UPF1: variants seen among roughly 807,000 people sequenced by gnomAD.
UPF1 encodes UPF1 RNA helicase and ATPase, also known as regulator of nonsense transcripts 1.
Under a neutral mutation model 129.2 loss-of-function variants are expected in UPF1, and 9 were observed. That is an observed-to-expected ratio of 0.07 (90% CI 0.04 to 0.12). UPF1 has a LOEUF of 0.12. UPF1 is among the 10% of genes least tolerant of loss of function. The probability of loss-of-function intolerance (pLI) is 1.00; values close to 1 mark genes in which losing one functional copy is unlikely to be tolerated. For synonymous variants in UPF1, 649 were observed against 644.9 expected (o/e 1.01, Z -0.10); for missense variants, 788 against 1,525.3 (o/e 0.52, Z 8.05).
chr19:18,838,383 TCA>T (rs1337366019), intron 1 of UPF1, among the ~76,000 whole-genome samples: 2 of 152,146 alleles, frequency 1.3e-5, no homozygotes, highest in Non-Finnish European at 2.9e-5. Flanking sequence ...GCTTGGTGGC[TCA>T]CGCCTGTAAT....
intron 18 of UPF1, 190 bp from the exon 19 acceptor site, chr19:18,863,248 G>A (rs111481788): frequency 9.8e-5 from 67 of 680,870 alleles, no homozygotes; most frequent in Admixed American, 4.5e-4. Flanking sequence ...AAATCAACCC[G>A]TGTGCAGGGT....
Position 18,862,136 on chromosome 19 carries a change from G to A in UPF1, c.2584G>A (p.Ala862Thr). The change falls in exon 18 of 24, where the codon GCC becomes ACC. Residue 862 changes from alanine to threonine, a missense_variant. Physicochemically the swap from Ala to Thr is moderately conservative, Grantham distance 58. Coordinates refer to ENST00000262803, the MANE Select transcript of UPF1 (RefSeq NM_002911.4). ...FLNDPRRLNV[A>T]LTRARYGVII... Reference sequence around the variant, plus strand: ...AAATGACCCCAGGCGTCTGAACGTGGCCCTGACCAGAGCAAGGTAGGGAGG... The same window carrying A: ...AAATGACCCCAGGCGTCTGAACGTGACCCTGACCAGAGCAAGGTAGGGAGG... The A allele has an allele frequency of 6.2e-7, 1 of 1,613,922 alleles. No homozygotes were observed. The highest frequency in any genetic ancestry group is 8.5e-7 in the Non-Finnish European group (1 of 1,180,000).
chr19:18,863,966 G>A (rs943409215), intron 19 of UPF1, among the ~76,000 whole-genome samples: 5 of 152,120 alleles, frequency 3.3e-5, no homozygotes, highest in African/African-American at 1.2e-4. Flanking sequence ...CCAAGGGTCA[G>A]CATCAGAGCC....
chr19:18,852,019 G>A (rs951777321), intron 5 of UPF1, 116 bp from the exon 6 acceptor site: 37 of 1,396,138 alleles, frequency 2.7e-5, no homozygotes, highest in Admixed American at 9.1e-5. Context: ...GCCACCCACC[G>A]TGGCCCATTC....
rs901059338 is a variant in UPF1, at chr19:18,853,853, A to T, written c.1156+503A>T. On this transcript the variant is annotated intron_variant, in intron 8 of 23. Transcript: ENST00000262803. The surrounding 1 kb of genome is among the most constrained non-coding windows in gnomAD (Gnocchi z 4.4). ...TGGGGCAGCTGTAAGGCACAGGTGCAGTCAGAGGCTTGGGTGGGGAGGAGT... is the reference window on the plus strand; with the variant it reads ...TGGGGCAGCTGTAAGGCACAGGTGCTGTCAGAGGCTTGGGTGGGGAGGAGT... Among the ~76,000 whole-genome samples, 6 of 152,192 alleles carry T rather than the reference A, an allele frequency of 3.9e-5. No individual in the cohort carries two copies. Among genetic ancestry groups the T allele is most frequent in the Admixed American group, 2.0e-4 (3 of 15,274 alleles).
chr19:18,856,849 G>A (rs2055724030), intron 13 of UPF1, 28 bp from the exon 14 acceptor site: 11 of 1,598,028 alleles, frequency 6.9e-6, no homozygotes, highest in Non-Finnish European at 9.4e-6. Flanking sequence ...CAGTGCAGGT[G>A]CCCTGATGCC....
chr19:18,852,900 C>T, intron 6 of UPF1, 87 bp from the exon 7 acceptor site: 1 of 1,118,502 alleles, frequency 8.9e-7, no homozygotes, highest in Non-Finnish European at 1.3e-6. Context: ...TGCTGTAGGG[C>T]CCGCCTCATG....
At chr19:18,862,781 G>A (rs191041769) in intron 18 of UPF1, among the ~76,000 whole-genome samples, 3 of 152,040 alleles carry the variant, frequency 2.0e-5, no homozygotes, top group Admixed American at 6.5e-5. Context: ...GTGGTGAGCC[G>A]AGATTGCGCC....
At chr19:18,858,670 C>A (rs945429950) in intron 15 of UPF1, among the ~76,000 whole-genome samples, 3 of 152,082 alleles carry the variant, frequency 2.0e-5, no homozygotes, top group Non-Finnish European at 4.4e-5. Flanking sequence ...CCCCAGAGCC[C>A]AGGAGGGTGG....
In UPF1 at chr19:18,846,239, G is replaced by A. The variant is rs140841383; in HGVS notation, c.371+120G>A. The A allele has an allele frequency of 4.7e-4, 666 of 1,422,664 alleles. 3 individuals are homozygous for A. The African/African-American group carries it at 6.4e-3, about 14-fold the overall frequency. The allele number at this position is 1,422,664 out of a possible 1,614,324, so 88.1% of individuals were successfully genotyped here. A position where few individuals can be genotyped will look rare whatever the true frequency, so the allele number is the denominator to read the frequency against. On this transcript the variant is annotated intron_variant, in intron 2 of 23. Transcript: ENST00000262803. ...CCCTTGTGCTGTGACTCTGGGTGGC[G>A]GTGTCCTCGGGAGTAAGGAAATTGC...
intron 1 of UPF1, among the ~76,000 whole-genome samples, chr19:18,838,458 G>C (rs1367794453): frequency 3.3e-5 from 5 of 152,180 alleles, no homozygotes; most frequent in African/African-American, 1.2e-4. Flanking sequence ...AGACCAGCTT[G>C]ACCAACATGG....
intron 11 of UPF1, 119 bp downstream of exon 11, chr19:18,855,361 T>G: frequency 1.4e-5 from 16 of 1,108,974 alleles, no homozygotes; most frequent in Non-Finnish European, 2.0e-5. Context: ...TGGCGGGTAG[T>G]GTCGCCATGG....
chr19:18,854,565 C>CT (rs1568277912), intron 8 of UPF1, 36 bp from the exon 9 acceptor site: 1 of 1,566,882 alleles, frequency 6.4e-7, no homozygotes, highest in East Asian at 2.3e-5. Context: ...GTCAGCCCGG[C>CT]TTTTGACAAG....
chr19:18,853,228 C>CCT lies in UPF1; in HGVS notation c.1058-18_1058-17dup. The CCT allele has an allele frequency of 2.5e-6, 4 of 1,604,598 alleles. No individual in the cohort carries two copies. The highest frequency in any genetic ancestry group is 3.4e-6 in the Non-Finnish European group (4 of 1,173,844). ...GCGACGGCGTGGGTTAAAATGGCCACCTCTCTCACTTTTTTACCTCAAGAC... is the reference window on the plus strand; with the variant it reads ...GCGACGGCGTGGGTTAAAATGGCCACCTCTCTCTCACTTTTTTACCTCAAGAC... On this transcript the variant is annotated intron_variant, in intron 7 of 23. Coordinates refer to ENST00000262803, the MANE Select transcript of UPF1 (RefSeq NM_002911.4). This position sits in a 1 kb window ranked among gnomAD's most constrained non-coding sequence, Gnocchi z 4.4.
At chr19:18,864,383 C>T (rs1046683577) in intron 20 of UPF1, 132 bp downstream of exon 20, 2 of 732,766 alleles carry the variant, frequency 2.7e-6, no homozygotes, top group African/African-American at 3.5e-5. Flanking sequence ...CCCTTGGCCT[C>T]CCCGCCCCTA....
intron 6 of UPF1, 100 bp downstream of exon 6, chr19:18,852,396 T>C: frequency 6.6e-7 from 1 of 1,522,372 alleles, no homozygotes; most frequent in Non-Finnish European, 8.8e-7. Flanking sequence ...CTGTGGGAGC[T>C]GATGTGGGCT....
rs1000399143 is a variant in UPF1, at chr19:18,851,700, T to C, written c.811-435T>C. ...CGTGGGAGACAGGCCTCCCGGGCTG[T>C]GGACACAGCGAGAGAAACCGGTGGT... On this transcript the variant is annotated intron_variant, in intron 5 of 23. Transcript: ENST00000262803. The surrounding 1 kb of genome is among the most constrained non-coding windows in gnomAD (Gnocchi z 4.2). Among the ~76,000 whole-genome samples, 9 of 152,202 alleles carry C rather than the reference T, an allele frequency of 5.9e-5. No individual in the cohort carries two copies. The highest frequency in any genetic ancestry group is 6.5e-5 in the Admixed American group (1 of 15,286).
chr19:18,833,917 C>T (rs1308948019), intron 1 of UPF1, among the ~76,000 whole-genome samples: 1 of 152,184 alleles, frequency 6.6e-6, no homozygotes, highest in Admixed American at 6.5e-5. Flanking sequence ...TTGACTCATT[C>T]TAACCCCATA....
intron 2 of UPF1, 101 bp from the exon 3 acceptor site, chr19:18,847,643 A>C (rs2055614931): frequency 9.0e-7 from 1 of 1,116,648 alleles, no homozygotes; most frequent in Admixed American, 1.9e-5. Context: ...TGTTTAATGA[A>C]GAACTTAAAA....
Sources: gnomAD v4.1 joint callset for allele counts (sites outside exome capture counted in the v4.1 genomes callset) on GRCh38, gnomAD v4.1.1 for gene constraint, Gnocchi (gnomAD v3.1) non-coding constraint, MANE v1.5 for transcripts, NCBI Gene and HGNC (gene_info 2026-07-23, HGNC 2026-07-21) for gene names.